Variants in C1orf159 observed in about 807,000 individuals in gnomAD.
C1orf159 encodes chromosome 1 open reading frame 159.
C1orf159 carries 19 observed loss-of-function variants against 25.6 expected under a neutral mutation model. That is an observed-to-expected ratio of 0.74 (90% CI 0.52 to 1.09). The LOEUF (loss-of-function observed/expected upper bound fraction) is 1.09, where lower values mean the gene tolerates loss of function less well. C1orf159 is among the 50% of genes least tolerant of loss of function. The pLI is 0.00. For missense variants in C1orf159, 274 were observed against 290.6 expected, an observed-to-expected ratio of 0.94 and a Z score of 0.42; for synonymous variants, 139 against 124.7, an observed-to-expected ratio of 1.12 and a Z score of -0.77.
intron 1 of C1orf159, among the ~76,000 whole-genome samples, chr1:1,099,569 T>C (rs1407548116): frequency 6.6e-6 from 1 of 152,200 alleles, no homozygotes. Flanking sequence ...GAGGTTAAAA[T>C]CTCCGACTAT....
chr1:1,090,891 C>G, intron 3 of C1orf159: 2 of 1,550,294 alleles, frequency 1.3e-6, no homozygotes, highest in Non-Finnish European at 1.7e-6. Flanking sequence ...GTGTGAGGGC[C>G]CATTCCCTGA....
intron 3 of C1orf159, 45 bp downstream of exon 3, chr1:1,091,427 G>C: frequency 6.6e-7 from 1 of 1,514,160 alleles, no homozygotes; most frequent in East Asian, 2.5e-5. Flanking sequence ...GCCCTCCACA[G>C]AGGCTCTGGC....
intron 1 of C1orf159, among the ~76,000 whole-genome samples, chr1:1,095,958 A>G (rs1646003848): frequency 6.6e-6 from 1 of 152,132 alleles, no homozygotes; most frequent in Non-Finnish European, 1.5e-5. Context: ...TATTCTAGTA[A>G]TATGGTGACG....
intron 1 of C1orf159, among the ~76,000 whole-genome samples, chr1:1,103,663 G>A (rs1055253228): frequency 6.6e-6 from 1 of 152,072 alleles, no homozygotes; most frequent in African/African-American, 2.4e-5. Flanking sequence ...TCTTTTTCGA[G>A]GAGCTATGGG....
intron 1 of C1orf159, among the ~76,000 whole-genome samples, chr1:1,100,515 C>T (rs921425896): frequency 1.3e-5 from 2 of 152,120 alleles, no homozygotes; most frequent in African/African-American, 4.8e-5. Flanking sequence ...ACTCAAAGTC[C>T]ATGGTTGACA....
chr1:1,089,532 ACGCCCAGCCTCGGACCCCCG>A lies in C1orf159; in HGVS notation c.148+801_148+820del, dbSNP rs1324437555. 3.3e-5 allele frequency among the ~76,000 whole-genome samples: 5 copies of A among 150,658 alleles called. No homozygotes were observed. Among genetic ancestry groups the A allele is most frequent in the Admixed American group, 2.6e-4 (4 of 15,178 alleles). ...CCTTCCTGTGGGCTCCCCAACCCCC[ACGCCCAGCCTCGGACCCCCG>A]CGCCCAGCCTCACTGGCTGCCACAG... On this transcript the variant is annotated intron_variant, in intron 4 of 9. Transcript: ENST00000421241. This position sits in a 1 kb window ranked among gnomAD's most constrained non-coding sequence, Gnocchi z 7.5.
chr1:1,086,269 G>A (rs1047566082), intron 6 of C1orf159, among the ~76,000 whole-genome samples: 11 of 152,284 alleles, frequency 7.2e-5, no homozygotes, highest in African/African-American at 2.4e-4. Context: ...GAGCTCGGAT[G>A]TTGGGAGCGT....
intron 1 of C1orf159, among the ~76,000 whole-genome samples, chr1:1,098,061 CCACCT>C (rs1341978268): frequency 2.0e-5 from 3 of 151,778 alleles, no homozygotes; most frequent in Admixed American, 2.0e-4. Flanking sequence ...TATTTTTTCC[CCACCT>C]GAGTTACAAA....
chr1:1,089,479 C>A lies in C1orf159; in HGVS notation c.148+874G>T, dbSNP rs1181448326. ...CAGAGCGGTGCCCTCCTCCTCCTAC[C>A]CTGCGTGTGCCTCAGATGTCATCAC... On this transcript the variant is annotated intron_variant, in intron 4 of 9. Coordinates refer to ENST00000421241, the MANE Select transcript of C1orf159 (RefSeq NM_017891.5). This position sits in a 1 kb window ranked among gnomAD's most constrained non-coding sequence, Gnocchi z 7.5. 6.6e-6 allele frequency among the ~76,000 whole-genome samples: 1 copy of A among 152,130 alleles called. No homozygotes were observed. Among genetic ancestry groups the A allele is most frequent in the Non-Finnish European group, 1.5e-5 (1 of 67,996 alleles).
intron 1 of C1orf159, among the ~76,000 whole-genome samples, chr1:1,113,216 C>T (rs1237087059): frequency 6.6e-6 from 1 of 151,822 alleles, no homozygotes; most frequent in African/African-American, 2.4e-5. Flanking sequence ...AAAAAACTTG[C>T]CTCAGTCTCT....
chr1:1,092,071 G>A lies in C1orf159; in HGVS notation c.-103C>T. ...AGGGGTTAGCTCTGGGAGCTCATGG[G>A]CTCAGCTGAGCCCTGCAGACCCCGG... On this transcript the variant is annotated 5_prime_UTR_variant, in exon 2 of 10. Coordinates refer to ENST00000421241, the MANE Select transcript of C1orf159 (RefSeq NM_017891.5). 2.2e-6 allele frequency: 1 copy of A among 451,990 alleles called. No homozygotes were observed. The highest frequency in any genetic ancestry group is 1.6e-5 in the South Asian group (1 of 63,990). 28.0% of individuals were successfully genotyped at this position (451,990 alleles called of 1,614,324 possible). A position where few individuals can be genotyped will look rare whatever the true frequency, so the allele number is the denominator to read the frequency against.
chr1:1,086,445 C>T (rs561036706), intron 6 of C1orf159, among the ~76,000 whole-genome samples: 2 of 152,376 alleles, frequency 1.3e-5, no homozygotes, highest in African/African-American at 4.8e-5. Flanking sequence ...CTCCTGCACC[C>T]CACTCACCTC....
rs1036999288 is a variant in C1orf159 at position 1,084,629 on chromosome 1, G to C, written c.446-123C>G. 3 of 1,294,838 alleles carry C rather than the reference G, an allele frequency of 2.3e-6. No homozygotes were observed. In the African/African-American group the frequency reaches 4.5e-5, roughly 19 times the overall value. The allele number at this position is 1,294,838 out of a possible 1,614,324, so 80.2% of individuals were successfully genotyped here. ...AGCCTCAGCCCAGTGCGGCGTCCTC[G>C]GAGCAGCAGAGGCCCCGGGGCTGCA... is the stretch of plus-strand genomic sequence containing the variant. On this transcript the variant is annotated intron_variant, in intron 7 of 9. Coordinates refer to ENST00000421241, the MANE Select transcript of C1orf159 (RefSeq NM_017891.5).
Position 1,084,522 on chromosome 1 carries a change from C to A in C1orf159, c.446-16G>T. 6.4e-7 allele frequency: 1 copy of A among 1,551,334 alleles called. No individual in the cohort carries two copies. Among genetic ancestry groups the A allele is most frequent in the Non-Finnish European group, 8.7e-7 (1 of 1,147,766 alleles). On this transcript the variant is annotated splice_polypyrimidine_tract_variant and intron_variant, in intron 7 of 9. Transcript: ENST00000421241. ...AGGGCCGGAGCTGTGGGGGAGAAAGCGGAGAGTCACCCTGGAGCCCAGGAG... is the reference window on the plus strand; with the variant it reads ...AGGGCCGGAGCTGTGGGGGAGAAAGAGGAGAGTCACCCTGGAGCCCAGGAG...
chr1:1,101,385 A>C (rs774050021), intron 1 of C1orf159, among the ~76,000 whole-genome samples: 60 of 152,332 alleles, frequency 3.9e-4, no homozygotes, highest in Admixed American at 1.4e-3. Context: ...TGGGAGGCTG[A>C]GACACAAGAA....
chr1:1,115,492 G>A (rs1174741928), intron 1 of C1orf159, among the ~76,000 whole-genome samples: 2 of 30,108 alleles, frequency 6.6e-5, no homozygotes, highest in Admixed American at 4.6e-4. Flanking sequence ...CCCCTCCCCA[G>A]GGACCCCCTC....
At chr1:1,090,775 AC>A (rs1251021247) in intron 3 of C1orf159, 16 of 1,017,780 alleles carry the variant, frequency 1.6e-5, no homozygotes, top group Non-Finnish European at 2.3e-5. Flanking sequence ...TTTCCGCTTG[AC>A]CCCACAGAGG....
At chr1:1,114,006 T>G (rs1646299630) in intron 1 of C1orf159, among the ~76,000 whole-genome samples, 1 of 139,088 alleles carries the variant, frequency 7.2e-6, no homozygotes, top group Non-Finnish European at 1.5e-5. Flanking sequence ...AACCTCCGCC[T>G]CCCGAGTTCA....
chr1:1,085,132 C>A, intron 7 of C1orf159: 1 of 280,386 alleles, frequency 3.6e-6, no homozygotes, highest in South Asian at 2.8e-5. Context: ...AGGCTGGGCC[C>A]TGAGACCCCG....
Sources: gnomAD v4.1 joint callset for allele counts (sites outside exome capture counted in the v4.1 genomes callset) on GRCh38, gnomAD v4.1.1 for gene constraint, Gnocchi (gnomAD v3.1) non-coding constraint, MANE v1.5 for transcripts, NCBI Gene and HGNC (gene_info 2026-07-23, HGNC 2026-07-21) for gene names.